Variants in SLMAP observed in about 807,000 individuals in gnomAD.
The protein encoded by SLMAP is sarcolemmal membrane-associated protein.
A neutral mutation model predicts 128.8 loss-of-function variants in SLMAP; 44 were observed. The ratio of observed to expected loss-of-function variants is 0.34; its 90% CI spans 0.27 to 0.44. SLMAP has a LOEUF of 0.44. SLMAP is among the 20% of genes least tolerant of loss of function. The pLI is 1.00. For missense variants in SLMAP, 787 were observed against 985.3 expected, an observed-to-expected ratio of 0.80 and a Z score of 2.69; for synonymous variants, 327 against 348.8, an observed-to-expected ratio of 0.94 and a Z score of 0.70.
intron 2 of SLMAP, among the ~76,000 whole-genome samples, chr3:57,829,263 T>C (rs929387460): frequency 2.6e-5 from 4 of 152,208 alleles, no homozygotes; most frequent in African/African-American, 9.7e-5. Flanking sequence ...TATTCTTTAT[T>C]TTTATTCTGT....
At chr3:57,895,668 G>A (rs2096224913) in intron 15 of SLMAP, among the ~76,000 whole-genome samples, 1 of 152,000 alleles carries the variant, frequency 6.6e-6, no homozygotes, top group African/African-American at 2.4e-5. Flanking sequence ...TTGGCCAGGT[G>A]CAGTGGCTCA....
chr3:57,899,268 C>T (rs1028842768), intron 17 of SLMAP: 1 of 152,088 alleles, frequency 6.6e-6, no homozygotes, highest in African/African-American at 2.4e-5. Context: ...GGAAGTCAGA[C>T]TCAAGGAACA....
intron 6 of SLMAP, among the ~76,000 whole-genome samples, chr3:57,853,185 G>A (rs2094570029): frequency 6.6e-6 from 1 of 152,178 alleles, no homozygotes; most frequent in South Asian, 2.1e-4. Flanking sequence ...TTTCCTGAAT[G>A]TTAGGAATGT....
At chr3:57,806,039 GTTTTT>G (rs572902738) in intron 2 of SLMAP, among the ~76,000 whole-genome samples, 15 of 144,176 alleles carry the variant, frequency 1.0e-4, no homozygotes, top group Non-Finnish European at 2.1e-4. Context: ...TGTTTGTTTT[GTTTTT>G]TTTTTGTAAA....
At chr3:57,888,692 G>A (rs1025581885) in intron 14 of SLMAP, among the ~76,000 whole-genome samples, 16 of 151,724 alleles carry the variant, frequency 1.1e-4, no homozygotes, top group East Asian at 3.9e-4. Flanking sequence ...AAATTTAACC[G>A]TGTAAAATAG....
intron 17 of SLMAP, chr3:57,898,933 G>A (rs977162863): frequency 1.4e-4 from 22 of 152,164 alleles, no homozygotes; most frequent in Non-Finnish European, 1.3e-4. Context: ...GAATGAAAGG[G>A]TGTGCATGGA....
intron 13 of SLMAP, among the ~76,000 whole-genome samples, chr3:57,869,630 T>TTATATATATATATATATTATA (rs1553900187): frequency 2.7e-5 from 2 of 75,466 alleles, no homozygotes; most frequent in Non-Finnish European, 5.0e-5. Flanking sequence ...CCCATCTCTA[T>TTATATATATATATATATTATA]TATATATATA....
At chr3:57,898,427 ACT>A in intron 17 of SLMAP, 1 of 151,516 alleles carries the variant, frequency 6.6e-6, no homozygotes, top group East Asian at 1.9e-4. Context: ...GCACTACAGA[ACT>A]CTCTTTTTTC....
chr3:57,924,781 A>G (rs927970064), intron 23 of SLMAP, among the ~76,000 whole-genome samples: 4 of 152,092 alleles, frequency 2.6e-5, no homozygotes, highest in Admixed American at 2.6e-4. Flanking sequence ...ATCATCTAAT[A>G]AGCAAAAGAG....
rs184120535 is a variant in SLMAP at position 57,884,023 on chromosome 3, G to A, written c.1301-6018G>A. ...CTTGGCTCACTGCAGCCACAACCTCGCAGGTATCGATCCTCCCATCTCAGC... is the reference window on the plus strand; with the variant it reads ...CTTGGCTCACTGCAGCCACAACCTCACAGGTATCGATCCTCCCATCTCAGC... On this transcript the variant is annotated intron_variant, in intron 14 of 24. Coordinates refer to ENST00000671191, the MANE Select transcript of SLMAP (RefSeq NM_001377540.1). Among the ~76,000 whole-genome samples, 370 of 146,858 alleles carry A rather than the reference G, an allele frequency of 2.5e-3. 1 individual carries two copies. Among genetic ancestry groups the A allele is most frequent in the Non-Finnish European group, 2.5e-3 (169 of 67,352 alleles).
intron 6 of SLMAP, among the ~76,000 whole-genome samples, chr3:57,852,491 A>G (rs1560244278): frequency 6.6e-6 from 1 of 152,202 alleles, no homozygotes; most frequent in Non-Finnish European, 1.5e-5. Flanking sequence ...CATCTGTGAA[A>G]TGGATATAGT....
chr3:57,822,408 G>C (rs1212046367), intron 2 of SLMAP, among the ~76,000 whole-genome samples: 1 of 152,122 alleles, frequency 6.6e-6, no homozygotes, highest in African/African-American at 2.4e-5. Context: ...ACGGAAAAAG[G>C]TAGAGTAGGA....
intron 2 of SLMAP, among the ~76,000 whole-genome samples, chr3:57,816,679 T>C (rs1451928499): frequency 6.6e-6 from 1 of 152,148 alleles, no homozygotes; most frequent in African/African-American, 2.4e-5. Context: ...CAAAGTGTGG[T>C]TTGGAAATAG....
At chr3:57,895,675 C>T (rs1243978479) in intron 15 of SLMAP, among the ~76,000 whole-genome samples, 4 of 151,832 alleles carry the variant, frequency 2.6e-5, no homozygotes, top group Non-Finnish European at 5.9e-5. Flanking sequence ...GGTGCAGTGG[C>T]TCATGCCTGT....
chr3:57,827,409 T>G (rs1275514595), intron 2 of SLMAP, among the ~76,000 whole-genome samples: 1 of 152,248 alleles, frequency 6.6e-6, no homozygotes, highest in Non-Finnish European at 1.5e-5. Context: ...TGTGAAGTGC[T>G]GTTCCTGTGT....
chr3:57,871,804 C>T (rs768107264), intron 14 of SLMAP, 106 bp downstream of exon 14: 28 of 787,126 alleles, frequency 3.6e-5, no homozygotes, highest in Non-Finnish European at 5.6e-5. Flanking sequence ...AGCAGAAGTG[C>T]TTAAAGGGGC....
intron 17 of SLMAP, chr3:57,898,953 A>G (rs2096303677): frequency 6.6e-6 from 1 of 152,206 alleles, no homozygotes; most frequent in African/African-American, 2.4e-5. Context: ...ACCACTTACC[A>G]TGGTGTTGGG....
chr3:57,805,295 G>C (rs765225542), intron 2 of SLMAP, among the ~76,000 whole-genome samples: 6 of 151,998 alleles, frequency 3.9e-5, no homozygotes, highest in Non-Finnish European at 8.8e-5. Context: ...ATTCAAATGT[G>C]GATACTTTTT....
At position 57,858,073 on chromosome 3, in the gene SLMAP, A is replaced by C; in HGVS notation, c.616-15A>C. 1 of 1,498,788 alleles carries C rather than the reference A, an allele frequency of 6.7e-7. No homozygotes were observed. Among genetic ancestry groups the C allele is most frequent in the Non-Finnish European group, 9.3e-7 (1 of 1,078,414 alleles). 92.8% of individuals were successfully genotyped at this position (1,498,788 alleles called of 1,614,324 possible). A position where few individuals can be genotyped will look rare whatever the true frequency, so the allele number is the denominator to read the frequency against. On this transcript the variant is annotated splice_polypyrimidine_tract_variant and intron_variant, in intron 7 of 24. Transcript: ENST00000671191. Reference sequence around the variant, plus strand: ...ATTACTCGGGTTTTACTTACATTTAATTTTTCTTCAATAGGCTTTAATAGA... The same window carrying C: ...ATTACTCGGGTTTTACTTACATTTACTTTTTCTTCAATAGGCTTTAATAGA...
Sources: allele counts gnomAD v4.1 joint callset (sites outside exome capture counted in the v4.1 genomes callset), GRCh38; gene constraint gnomAD v4.1.1; transcripts MANE v1.5; gene names NCBI Gene and HGNC (gene_info 2026-07-23, HGNC 2026-07-21).